The following ARFGEF1 variants were observed in gnomAD, a reference collection of about 807,000 sequenced individuals.
ARFGEF1 encodes the protein ARF guanine nucleotide exchange factor 1, also known as brefeldin A-inhibited guanine nucleotide-exchange protein 1.
Under a neutral mutation model 231.0 loss-of-function variants are expected in ARFGEF1, and 42 were observed. The observed-to-expected ratio is 0.18, with a 90% CI of 0.14 to 0.24. ARFGEF1 has a LOEUF of 0.24. Among genes scored for constraint, ARFGEF1 ranks in the 10% least tolerant of loss-of-function variants. The pLI is 1.00. For missense variants in ARFGEF1, 1,345 were observed against 2,192.0 expected (o/e 0.61, Z 7.72); for synonymous variants, 710 against 732.3 (o/e 0.97, Z 0.49).
chr8:67,173,660 A>C (rs1002548240), downstream of ARFGEF1: 1 of 144,802 alleles, frequency 6.9e-6, no homozygotes, highest in African/African-American at 2.6e-5. Flanking sequence ...TAATTAAAAG[A>C]AAAAAAAAGA....
At chr8:67,216,806 C>A in intron 32 of ARFGEF1, 144 bp from the exon 33 acceptor site, 2 of 502,808 alleles carry the variant, frequency 4.0e-6, no homozygotes, top group South Asian at 6.5e-5. Flanking sequence ...TAGCAATTTC[C>A]TAAAAAACAT....
chr8:67,186,496 C>T (rs530245397), intron 5 of ARFGEF1, among the ~76,000 whole-genome samples: 1 of 151,644 alleles, frequency 6.6e-6, no homozygotes, highest in South Asian at 2.1e-4. Context: ...GTCTACCACC[C>T]ATTTATGGTA....
At chr8:67,272,323 C>T (rs1308244350) in intron 9 of ARFGEF1, among the ~76,000 whole-genome samples, 1 of 152,040 alleles carries the variant, frequency 6.6e-6, no homozygotes, top group Non-Finnish European at 1.5e-5. Flanking sequence ...CCCACCACCA[C>T]GCCCAGCTAA....
chr8:67,340,017 CAAA>C (rs148178244), intron 1 of ARFGEF1, among the ~76,000 whole-genome samples: 1 of 142,204 alleles, frequency 7.0e-6, no homozygotes, highest in South Asian at 2.2e-4. Flanking sequence ...TACTTTTTGA[CAAA>C]AAAAAAAGTT....
intron 27 of ARFGEF1, among the ~76,000 whole-genome samples, chr8:67,226,434 T>G (rs1262591991): frequency 6.6e-6 from 1 of 152,080 alleles, no homozygotes; most frequent in East Asian, 1.9e-4. Context: ...ACACGGTAGG[T>G]ACTGATTCAA....
chr8:67,246,022 G>A (rs540030888), intron 19 of ARFGEF1, among the ~76,000 whole-genome samples: 3 of 150,562 alleles, frequency 2.0e-5, no homozygotes, highest in African/African-American at 7.4e-5. Context: ...TGATAAAGAG[G>A]TCAATTCAGC....
At chr8:67,340,623 G>C (rs928303029) in intron 1 of ARFGEF1, among the ~76,000 whole-genome samples, 5 of 152,198 alleles carry the variant, frequency 3.3e-5, no homozygotes, top group African/African-American at 1.2e-4. Flanking sequence ...GACTGCAAGG[G>C]AAGAAACAAA....
intron 29 of ARFGEF1, among the ~76,000 whole-genome samples, chr8:67,220,895 T>TTC: frequency 7.7e-6 from 1 of 129,838 alleles, no homozygotes; most frequent in Non-Finnish European, 1.6e-5. Flanking sequence ...TTTTTTCCTT[T>TTC]TCTTTTTTTT....
chr8:67,222,251 G>GTATA (rs1318829425), intron 29 of ARFGEF1, among the ~76,000 whole-genome samples: 6 of 137,684 alleles, frequency 4.4e-5, no homozygotes, highest in Non-Finnish European at 7.7e-5. Context: ...ATGTATGTAT[G>GTATA]TATGTATGTA....
At chr8:67,191,501 T>C (rs1046990090) in intron 5 of ARFGEF1, among the ~76,000 whole-genome samples, 3 of 152,218 alleles carry the variant, frequency 2.0e-5, no homozygotes. Context: ...ATGTGCCTTT[T>C]CTGGACATTT....
chr8:67,252,006 A>G (rs1053103545), intron 18 of ARFGEF1, among the ~76,000 whole-genome samples: 5 of 152,330 alleles, frequency 3.3e-5, no homozygotes, highest in African/African-American at 9.6e-5. Context: ...GTGGTGGCTC[A>G]TGCCTGTAAT....
intron 5 of ARFGEF1, among the ~76,000 whole-genome samples, chr8:67,186,976 T>C (rs966583490): frequency 7.5e-6 from 1 of 133,592 alleles, no homozygotes; most frequent in Non-Finnish European, 1.6e-5. Flanking sequence ...CTATCATCTA[T>C]CTATCTATCT....
At chr8:67,303,591 A>G (rs1166077975) in intron 1 of ARFGEF1, among the ~76,000 whole-genome samples, 1 of 152,044 alleles carries the variant, frequency 6.6e-6, no homozygotes, top group Non-Finnish European at 1.5e-5. Flanking sequence ...GTGCGCGCCT[A>G]TAACCACAGC....
intron 1 of ARFGEF1, among the ~76,000 whole-genome samples, chr8:67,340,671 T>C (rs1207792357): frequency 3.3e-5 from 5 of 152,208 alleles, no homozygotes; most frequent in Non-Finnish European, 5.9e-5. Context: ...TTACTGAGAT[T>C]TTGCTTTGTT....
intron 1 of ARFGEF1, among the ~76,000 whole-genome samples, chr8:67,310,152 T>C (rs1162620273): frequency 6.6e-6 from 1 of 151,568 alleles, no homozygotes; most frequent in Non-Finnish European, 1.5e-5. Flanking sequence ...CTCCCTCTCA[T>C]GCGGAGCCGA....
intron 5 of ARFGEF1, among the ~76,000 whole-genome samples, chr8:67,186,320 T>C (rs1834559807): frequency 6.6e-6 from 1 of 151,674 alleles, no homozygotes; most frequent in African/African-American, 2.4e-5. Context: ...TAAATATGTA[T>C]GGAATGTTAT....
chr8:67,249,121 G>T (rs1840194094), intron 19 of ARFGEF1, among the ~76,000 whole-genome samples: 1 of 150,262 alleles, frequency 6.7e-6, no homozygotes, highest in Admixed American at 6.7e-5. Context: ...AAGAGATGTA[G>T]TTCCTTATCT....
chr8:67,331,619 C>CT (rs1808103233), intron 1 of ARFGEF1, among the ~76,000 whole-genome samples: 1 of 151,926 alleles, frequency 6.6e-6, no homozygotes, highest in Admixed American at 6.6e-5. Flanking sequence ...AAGATATACT[C>CT]TAATAACCCT....
intron 7 of ARFGEF1, among the ~76,000 whole-genome samples, chr8:67,287,468 T>C (rs1805808836): frequency 6.6e-6 from 1 of 152,228 alleles, no homozygotes. Context: ...CACTAATAAA[T>C]CATGCAGTGA....
Sources: allele counts gnomAD v4.1 joint callset (sites outside exome capture counted in the v4.1 genomes callset), GRCh38; gene constraint gnomAD v4.1.1; transcripts MANE v1.5; gene names NCBI Gene and HGNC (gene_info 2026-07-23, HGNC 2026-07-21).